Variants in SETBP1 observed in about 807,000 individuals in gnomAD.
SETBP1 encodes SET-binding protein.
A neutral mutation model predicts 101.0 loss-of-function variants in SETBP1; 9 were observed. The observed-to-expected ratio is 0.09, with a 90% CI of 0.05 to 0.16. The LOEUF is 0.16. Among genes scored for constraint, SETBP1 ranks in the 10% least tolerant of loss-of-function variants. SETBP1 has a pLI of 1.00. For missense variants in SETBP1, 1,858 were observed against 2,033.8 expected (o/e 0.91, Z 1.66); for synonymous variants, 818 against 788.5 (o/e 1.04, Z -0.63).
intron 4 of SETBP1, among the ~76,000 whole-genome samples, chr18:44,954,937 G>A (rs973720941): frequency 6.6e-6 from 1 of 152,178 alleles, no homozygotes; most frequent in South Asian, 2.1e-4. Context: ...ACTAGCTGTG[G>A]ACAGAAGATG....
At chr18:44,887,617 C>A (rs894021999) in intron 3 of SETBP1, among the ~76,000 whole-genome samples, 1 of 152,162 alleles carries the variant, frequency 6.6e-6, no homozygotes, top group Non-Finnish European at 1.5e-5. Flanking sequence ...GGAAAACAGA[C>A]TGTAGTGTGC....
intron 3 of SETBP1, among the ~76,000 whole-genome samples, chr18:44,947,752 C>T (rs867476782): frequency 1.8e-4 from 28 of 152,102 alleles, no homozygotes; most frequent in African/African-American, 4.8e-4. Flanking sequence ...GTGATCTGCC[C>T]GCCTCGGCCT....
chr18:44,823,161 C>T (rs184398196), intron 2 of SETBP1, among the ~76,000 whole-genome samples: 10 of 152,274 alleles, frequency 6.6e-5, no homozygotes, highest in African/African-American at 2.4e-4. Context: ...TTTATCTTTG[C>T]CTAGCTCTTC....
chr18:44,837,997 C>T (rs1023610650), intron 2 of SETBP1, among the ~76,000 whole-genome samples: 42 of 152,254 alleles, frequency 2.8e-4, no homozygotes, highest in Admixed American at 2.0e-3. Flanking sequence ...TCTCAGGGCT[C>T]GTTCCCACTG....
chr18:44,830,660 G>C (rs2072342869), intron 2 of SETBP1, among the ~76,000 whole-genome samples: 1 of 152,204 alleles, frequency 6.6e-6, no homozygotes, highest in African/African-American at 2.4e-5. Context: ...TCAGAGAGCA[G>C]AGTTACTAGG....
chr18:44,696,582 C>T (rs2069021360), intron 1 of SETBP1, among the ~76,000 whole-genome samples: 1 of 152,184 alleles, frequency 6.6e-6, no homozygotes, highest in African/African-American at 2.4e-5. Flanking sequence ...GTATAAGTCA[C>T]ATCTAGCCAA....
chr18:45,058,874 C>T (rs1312993744), intron 5 of SETBP1, among the ~76,000 whole-genome samples: 1 of 152,158 alleles, frequency 6.6e-6, no homozygotes, highest in Non-Finnish European at 1.5e-5. Flanking sequence ...ATTCATGTTT[C>T]TGTGCCATTA....
At chr18:44,730,791 C>T (rs1314556016) in intron 2 of SETBP1, among the ~76,000 whole-genome samples, 1 of 152,132 alleles carries the variant, frequency 6.6e-6, no homozygotes, top group East Asian at 1.9e-4. Flanking sequence ...ATAAGATTGT[C>T]CTGGGAGCCC....
chr18:45,039,098 A>G (rs1350115987), intron 5 of SETBP1, among the ~76,000 whole-genome samples: 2 of 152,202 alleles, frequency 1.3e-5, no homozygotes, highest in African/African-American at 4.8e-5. Flanking sequence ...AGGATTCCAA[A>G]GCCCATGCTC....
chr18:44,935,326 G>A (rs1473706205), intron 3 of SETBP1, among the ~76,000 whole-genome samples: 3 of 152,174 alleles, frequency 2.0e-5, no homozygotes, highest in Non-Finnish European at 4.4e-5. Flanking sequence ...GCAGTAAAAA[G>A]CATTAATATA....
At chr18:44,796,190 A>G (rs1381084867) in intron 2 of SETBP1, among the ~76,000 whole-genome samples, 2 of 152,194 alleles carry the variant, frequency 1.3e-5, no homozygotes, top group Non-Finnish European at 2.9e-5. Flanking sequence ...CAGCTCAGTG[A>G]ATTTATTTAT....
intron 3 of SETBP1, among the ~76,000 whole-genome samples, chr18:44,902,766 A>G (rs1277989508): frequency 6.6e-6 from 1 of 152,188 alleles, no homozygotes; most frequent in Non-Finnish European, 1.5e-5. Context: ...TGGTATTTTC[A>G]GAATAAATTC....
chr18:44,748,241 G>T (rs899884212), intron 2 of SETBP1, among the ~76,000 whole-genome samples: 4 of 152,168 alleles, frequency 2.6e-5, no homozygotes, highest in Admixed American at 2.6e-4. Flanking sequence ...TGCTCTCAAG[G>T]ATCCTCATGC....
At chr18:44,857,216 C>G (rs1322954041) in intron 2 of SETBP1, among the ~76,000 whole-genome samples, 3 of 152,296 alleles carry the variant, frequency 2.0e-5, no homozygotes, top group African/African-American at 7.2e-5. Context: ...CCTAGAGATA[C>G]AGATAGGCTT....
At chr18:45,027,831 A>T (rs1192588141) in intron 4 of SETBP1, among the ~76,000 whole-genome samples, 1 of 152,166 alleles carries the variant, frequency 6.6e-6, no homozygotes, top group East Asian at 1.9e-4. Flanking sequence ...AATGGGACTC[A>T]TTGAGCTAAA....
intron 5 of SETBP1, among the ~76,000 whole-genome samples, chr18:45,043,527 T>C (rs1200360508): frequency 6.6e-6 from 1 of 152,150 alleles, no homozygotes; most frequent in Non-Finnish European, 1.5e-5. Context: ...AACAAGGAAG[T>C]AGAGTGAGCA....
intron 2 of SETBP1, among the ~76,000 whole-genome samples, chr18:44,842,467 C>T (rs1257365875): frequency 2.0e-5 from 3 of 152,186 alleles, no homozygotes; most frequent in Non-Finnish European, 2.9e-5. Flanking sequence ...TCCCTGGGGA[C>T]AGCTTTACTA....
At chr18:44,850,379 C>CT (rs71372689) in intron 2 of SETBP1, among the ~76,000 whole-genome samples, 207 of 150,104 alleles carry the variant, frequency 1.4e-3, no homozygotes, top group African/African-American at 2.3e-3. Context: ...CTTTTTTTTT[C>CT]TTTTTTTTTG....
chr18:44,803,694 C>G (rs2071660865), intron 2 of SETBP1, among the ~76,000 whole-genome samples: 2 of 152,106 alleles, frequency 1.3e-5, no homozygotes, highest in South Asian at 4.1e-4. Flanking sequence ...TATCTTTTCT[C>G]TCTGTATTCT....
Sources: gnomAD v4.1 joint callset for allele counts (sites outside exome capture counted in the v4.1 genomes callset) on GRCh38, gnomAD v4.1.1 for gene constraint, MANE v1.5 for transcripts, NCBI Gene and HGNC (gene_info 2026-07-23, HGNC 2026-07-21) for gene names.